Variants in FAM13B observed in about 807,000 individuals in gnomAD.
FAM13B encodes protein FAM13B.
Under a neutral mutation model 117.3 loss-of-function variants are expected in FAM13B, and 60 were observed. The observed-to-expected ratio is 0.51, with a 90% confidence interval of 0.42 to 0.63. The LOEUF (loss-of-function observed/expected upper bound fraction) is 0.63. FAM13B is among the 30% of genes least tolerant of loss of function. FAM13B has a pLI of 0.00. For missense variants in FAM13B, 972 were observed against 1,091.9 expected, an observed-to-expected ratio of 0.89 and a Z score of 1.55; for synonymous variants, 332 against 356.1, an observed-to-expected ratio of 0.93 and a Z score of 0.76.
chr5:137,965,610 G>T (rs560020637), intron 10 of FAM13B, among the ~76,000 whole-genome samples: 1 of 152,154 alleles, frequency 6.6e-6, no homozygotes, highest in South Asian at 2.1e-4. Flanking sequence ...TCTGTACCTT[G>T]CATTTGCTGA....
intron 18 of FAM13B, among the ~76,000 whole-genome samples, chr5:137,947,943 A>G (rs1393577875): frequency 6.6e-6 from 1 of 152,068 alleles, no homozygotes; most frequent in African/African-American, 2.4e-5. Flanking sequence ...GAGAATGACT[A>G]ATTCAGCTCT....
Position 137,959,725 on chromosome 5 carries a change from A to C in FAM13B, c.1332T>G (p.Thr444=). The part of the protein sequence containing the change: ...SSKICDLNAN[T]ESEVPGGQSV... Reference sequence around the variant, plus strand: ...TCTGACCTCCTGGTACTTCTGATTCAGTGTTGGCATTCAAATCACATATCT... The same window carrying C: ...TCTGACCTCCTGGTACTTCTGATTCCGTGTTGGCATTCAAATCACATATCT... Residue 444 remains threonine, a synonymous_variant, in exon 13 of 24, where the codon ACT becomes ACG. Transcript: ENST00000689681. 1 of 1,613,904 alleles carries C rather than the reference A, an allele frequency of 6.2e-7. No individual in the cohort carries two copies. The highest frequency in any genetic ancestry group is 8.5e-7 in the Non-Finnish European group (1 of 1,179,838).
chr5:137,943,217 C>T lies in FAM13B; in HGVS notation c.2341-1G>A. 6.2e-7 allele frequency: 1 copy of T among 1,609,830 alleles called. No individual in the cohort carries two copies. Among genetic ancestry groups the T allele is most frequent in the Non-Finnish European group, 8.5e-7 (1 of 1,176,830 alleles). ...CCCTTCGCTTGGTGGATGGAGATCC[C>T]TATAACAATCAATAATATAAATAGT... On this transcript the variant is annotated splice_acceptor_variant, in intron 20 of 23. Coordinates refer to ENST00000689681, the MANE Select transcript of FAM13B (RefSeq NM_001385994.1). LOFTEE classifies it high-confidence loss of function.
intron 10 of FAM13B, among the ~76,000 whole-genome samples, chr5:137,974,595 A>C (rs577197576): frequency 1.3e-5 from 2 of 150,540 alleles, no homozygotes; most frequent in African/African-American, 4.9e-5. Context: ...TGTACCCTAA[A>C]ACTTAAAGTA....
chr5:138,030,115 G>A (rs149312909), intron 1 of FAM13B, among the ~76,000 whole-genome samples: 3 of 152,164 alleles, frequency 2.0e-5, no homozygotes, highest in Admixed American at 6.5e-5. Flanking sequence ...ACTCTCCCAC[G>A]CTTCCTCCTT....
intron 10 of FAM13B, among the ~76,000 whole-genome samples, chr5:137,969,043 G>A (rs569174269): frequency 2.0e-5 from 3 of 152,332 alleles, no homozygotes; most frequent in East Asian, 1.9e-4. Flanking sequence ...AAGGGTGCCC[G>A]CCATTGCCCA....
upstream of FAM13B, chr5:138,036,269 C>G (rs1042444625): frequency 2.9e-5 from 11 of 374,168 alleles, no homozygotes; most frequent in African/African-American, 2.3e-4. Flanking sequence ...AGCGTCTGGA[C>G]GAAGGAGAGC....
intron 13 of FAM13B, 81 bp downstream of exon 13, chr5:137,959,535 G>A (rs1767543478): frequency 7.1e-7 from 1 of 1,406,626 alleles, no homozygotes; most frequent in South Asian, 1.2e-5. Context: ...TCCAGAAAAG[G>A]GCTGTAGTCT....
At chr5:137,992,330 A>G (rs1778807724) in intron 7 of FAM13B, among the ~76,000 whole-genome samples, 1 of 150,974 alleles carries the variant, frequency 6.6e-6, no homozygotes, top group Admixed American at 6.6e-5. Flanking sequence ...GCAGTGGCTC[A>G]TGCCTGTAAT....
intron 10 of FAM13B, among the ~76,000 whole-genome samples, chr5:137,976,414 A>G (rs920146015): frequency 3.3e-5 from 5 of 152,154 alleles, no homozygotes; most frequent in Non-Finnish European, 7.3e-5. Flanking sequence ...AATGCAATAA[A>G]TTTTCTTTAA....
At chr5:137,975,360 C>G (rs998846267) in intron 10 of FAM13B, among the ~76,000 whole-genome samples, 58 of 152,342 alleles carry the variant, frequency 3.8e-4, no homozygotes, top group African/African-American at 1.3e-3. Flanking sequence ...AATGCCCTAA[C>G]CAATGTGGTC....
At chr5:138,018,039 C>CCTTGTT (rs1159038503) in intron 4 of FAM13B, among the ~76,000 whole-genome samples, 1 of 152,208 alleles carries the variant, frequency 6.6e-6, no homozygotes, top group Non-Finnish European at 1.5e-5. Context: ...CCCTCCTACT[C>CCTTGTT]CTTGTTCTTG....
rs776633859 is a variant in FAM13B at position 137,960,144 on chromosome 5, A to G, written c.1293+22T>C. ...AAACCTAGGCAAGTTTTTAAAGACT[A>G]AGACAAAAAAATAGTTCTTACCAGA... On this transcript the variant is annotated intron_variant, in intron 12 of 23. Transcript: ENST00000689681. 4.8e-6 allele frequency: 7 copies of G among 1,464,256 alleles called. No individual in the cohort carries two copies. In the Admixed American group the frequency reaches 1.3e-4, roughly 28 times the overall value. The allele number at this position is 1,464,256 out of a possible 1,614,324, so 90.7% of individuals were successfully genotyped here.
intron 1 of FAM13B, among the ~76,000 whole-genome samples, chr5:138,050,071 A>T (rs1020932291): frequency 6.6e-6 from 1 of 151,984 alleles, no homozygotes; most frequent in Non-Finnish European, 1.5e-5. Context: ...CCACAAGTTC[A>T]AGGCTACAGT....
At chr5:138,051,022 G>A (rs572249528) in intron 1 of FAM13B, among the ~76,000 whole-genome samples, 3 of 145,646 alleles carry the variant, frequency 2.1e-5, no homozygotes, top group African/African-American at 5.2e-5. Context: ...GCATATTAGT[G>A]GGGGGGGGAG....
At chr5:138,051,964 G>A (rs1029799765), upstream of FAM13B, 1 of 151,866 alleles carries the variant, frequency 6.6e-6, no homozygotes, top group African/African-American at 2.4e-5. Context: ...CAGAAAACAA[G>A]GTTGAAAACT....
chr5:138,036,759 T>C (rs1791202089), upstream of FAM13B: 1 of 362,750 alleles, frequency 2.8e-6, no homozygotes, highest in South Asian at 2.1e-5. Flanking sequence ...AAGAAGATGG[T>C]TTCTTTTATA....
intron 1 of FAM13B, among the ~76,000 whole-genome samples, chr5:138,031,385 G>C (rs1181477210): frequency 6.6e-6 from 1 of 152,032 alleles, no homozygotes; most frequent in East Asian, 1.9e-4. Context: ...AAAGCAGCAC[G>C]GATTAAAAAA....
chr5:137,966,488 T>TATATATATAGAGAGAGAGAGAGAGAG (rs1461425784), intron 10 of FAM13B, among the ~76,000 whole-genome samples: 2 of 29,482 alleles, frequency 6.8e-5, no homozygotes, highest in African/African-American at 1.3e-4. Context: ...TATATATATA[T>TATATATATAGAGAGAGAGAGAGAGAG]AGAGAGAGAG....
Sources: gnomAD v4.1 joint callset for allele counts (sites outside exome capture counted in the v4.1 genomes callset) on GRCh38, gnomAD v4.1.1 for gene constraint, MANE v1.5 for transcripts, NCBI Gene and HGNC (gene_info 2026-07-23, HGNC 2026-07-21) for gene names.